The following SNX9 variants were observed in gnomAD, a reference collection of about 807,000 sequenced individuals.
SNX9 encodes sorting nexin-9.
In SNX9, 44 loss-of-function variants were observed where a neutral mutation model predicts 89.4. That is an observed-to-expected ratio of 0.49 (90% CI 0.39 to 0.63). SNX9 has a LOEUF of 0.63. SNX9 is among the 30% of genes least tolerant of loss of function. SNX9 has a pLI of 0.00. For synonymous variants in SNX9, 236 were observed against 247.8 expected (o/e 0.95, Z 0.45); for missense variants, 578 against 736.1 (o/e 0.79, Z 2.49).
intron 4 of SNX9, among the ~76,000 whole-genome samples, chr6:157,883,833 C>T (rs1311758225): frequency 1.3e-5 from 2 of 152,148 alleles, no homozygotes; most frequent in Non-Finnish European, 2.9e-5. Context: ...ATTCCCTTAG[C>T]ACAATTTGTG....
chr6:157,944,614 A>G lies in SNX9; in HGVS notation c.*1776A>G, dbSNP rs1562628383. On this transcript the variant is annotated 3_prime_UTR_variant, in exon 18 of 18. Coordinates refer to ENST00000392185, the MANE Select transcript of SNX9 (RefSeq NM_016224.5). ...CCAGCTGCTGAAAATGGTCCAGGTA[A>G]TGAATTCTTCCCCAAATCCTATTTC... The G allele has an allele frequency of 6.6e-6, 1 of 152,204 alleles. No homozygotes were observed. The highest frequency in any genetic ancestry group is 1.5e-5 in the Non-Finnish European group (1 of 68,034). The allele number at this position is 152,204 out of a possible 1,614,324, so 9.4% of individuals were successfully genotyped here.
At chr6:157,841,042 G>C (rs1012654062) in intron 1 of SNX9, among the ~76,000 whole-genome samples, 6 of 152,158 alleles carry the variant, frequency 3.9e-5, no homozygotes, top group Admixed American at 3.9e-4. Context: ...AGGGTGTCTG[G>C]TATAAACTTC....
At chr6:157,884,915 A>T (rs1330637604) in intron 4 of SNX9, among the ~76,000 whole-genome samples, 1 of 152,288 alleles carries the variant, frequency 6.6e-6, no homozygotes, top group East Asian at 1.9e-4. Context: ...CAGCATTGTT[A>T]TACGTACATC....
chr6:157,869,458 G>A (rs1340342781), intron 2 of SNX9, among the ~76,000 whole-genome samples: 1 of 152,152 alleles, frequency 6.6e-6, no homozygotes, highest in Non-Finnish European at 1.5e-5. Flanking sequence ...GTATTTCTCT[G>A]TATTTCTGTT....
intron 13 of SNX9, among the ~76,000 whole-genome samples, chr6:157,934,952 C>T (rs144983243): frequency 7.9e-4 from 120 of 152,192 alleles, no homozygotes; most frequent in Admixed American, 3.8e-3. Context: ...ATTGGAAGAG[C>T]CTACCACTGG....
chr6:157,829,972 T>C (rs1157784885), intron 1 of SNX9, among the ~76,000 whole-genome samples: 1 of 152,204 alleles, frequency 6.6e-6, no homozygotes, highest in East Asian at 1.9e-4. Flanking sequence ...CATAAGGATG[T>C]TAACATTAAA....
chr6:157,836,477 G>C (rs1283820030), intron 1 of SNX9, among the ~76,000 whole-genome samples: 2 of 152,152 alleles, frequency 1.3e-5, no homozygotes, highest in Non-Finnish European at 2.9e-5. Flanking sequence ...ATTAATGGTA[G>C]AGCTGTGGTA....
chr6:157,935,940 A>G (rs1484613078), intron 13 of SNX9, 24 bp from the exon 14 acceptor site: 4 of 1,560,956 alleles, frequency 2.6e-6, no homozygotes, highest in Non-Finnish European at 2.6e-6. Flanking sequence ...ACTTATAACC[A>G]CTGATAAAAT....
chr6:157,823,392 C>G lies in SNX9; in HGVS notation c.-43C>G. 1 of 1,270,782 alleles carries G rather than the reference C, an allele frequency of 7.9e-7. No homozygotes were observed. Among genetic ancestry groups the G allele is most frequent in the Non-Finnish European group, 1.0e-6 (1 of 1,000,982 alleles). The allele number at this position is 1,270,782 out of a possible 1,614,324, so 78.7% of individuals were successfully genotyped here. A position where few individuals can be genotyped will look rare whatever the true frequency, so the allele number is the denominator to read the frequency against. On this transcript the variant is annotated 5_prime_UTR_variant, in exon 1 of 18. Coordinates refer to ENST00000392185, the MANE Select transcript of SNX9 (RefSeq NM_016224.5). The surrounding 1 kb of genome is among the most constrained non-coding windows in gnomAD (Gnocchi z 4.6). ...CGGCTCAGAATCACCATCCGCGGCG[C>G]GGGAGACGAGCCGGCCGTCCCGGGC... is the stretch of plus-strand genomic sequence containing the variant.
chr6:157,918,499 C>T (rs369300492), intron 9 of SNX9, among the ~76,000 whole-genome samples: 6 of 152,100 alleles, frequency 3.9e-5, no homozygotes, highest in African/African-American at 1.4e-4. Context: ...CCTTTGAAAT[C>T]AAGCTGTTTC....
intron 10 of SNX9, among the ~76,000 whole-genome samples, chr6:157,922,144 C>T (rs1783596908): frequency 6.6e-6 from 1 of 152,204 alleles, no homozygotes; most frequent in Non-Finnish European, 1.5e-5. Context: ...AGAGTCAGTG[C>T]TGGCCTCTCT....
intron 2 of SNX9, among the ~76,000 whole-genome samples, chr6:157,869,050 T>C (rs1782333759): frequency 6.6e-6 from 1 of 152,244 alleles, no homozygotes; most frequent in Non-Finnish European, 1.5e-5. Flanking sequence ...TGCCCTGTGC[T>C]CCTTGTTTTC....
intron 16 of SNX9, 70 bp downstream of exon 16, chr6:157,938,817 G>A: frequency 8.5e-7 from 1 of 1,176,654 alleles, no homozygotes; most frequent in Non-Finnish European, 1.3e-6. Context: ...TCCCTTGATA[G>A]AGAGAAATCC....
intron 1 of SNX9, among the ~76,000 whole-genome samples, chr6:157,855,151 A>G (rs978456735): frequency 4.8e-4 from 73 of 152,094 alleles, no homozygotes; most frequent in African/African-American, 1.7e-3. Flanking sequence ...TCTTTCTTAC[A>G]CAAGTGGTGT....
chr6:157,907,267 C>T (rs1350298041), intron 7 of SNX9, among the ~76,000 whole-genome samples: 3 of 148,420 alleles, frequency 2.0e-5, no homozygotes, highest in Non-Finnish European at 3.0e-5. Flanking sequence ...AGCTCTGCCT[C>T]AGTTTTGTTT....
chr6:157,932,343 G>C, intron 13 of SNX9, 71 bp downstream of exon 13: 1 of 1,380,364 alleles, frequency 7.2e-7, no homozygotes. Flanking sequence ...TTAGGATCCT[G>C]CAGACGCTAA....
chr6:157,862,174 G>A (rs1276619782), intron 1 of SNX9, among the ~76,000 whole-genome samples: 1 of 152,160 alleles, frequency 6.6e-6, no homozygotes, highest in Non-Finnish European at 1.5e-5. Context: ...GTGGAGGAGG[G>A]ACTACTTATA....
intron 1 of SNX9, among the ~76,000 whole-genome samples, chr6:157,834,942 C>G (rs1171436278): frequency 6.6e-6 from 1 of 152,212 alleles, no homozygotes; most frequent in East Asian, 1.9e-4. Context: ...TTACTGAGAT[C>G]TGTGGTTACA....
chr6:157,898,926 C>G (rs1288023821), intron 5 of SNX9, among the ~76,000 whole-genome samples: 2 of 152,176 alleles, frequency 1.3e-5, no homozygotes, highest in African/African-American at 2.4e-5. Context: ...GGGTCTGGCT[C>G]TCTGGTCACT....
Sources: allele counts gnomAD v4.1 joint callset (sites outside exome capture counted in the v4.1 genomes callset), GRCh38; gene constraint gnomAD v4.1.1; non-coding constraint Gnocchi (gnomAD v3.1); transcripts MANE v1.5; gene names NCBI Gene and HGNC (gene_info 2026-07-23, HGNC 2026-07-21).